Variants in ZMIZ1 observed in about 807,000 individuals in gnomAD.
The protein encoded by ZMIZ1 is zinc finger MIZ-type containing 1.
Under a neutral mutation model 113.9 loss-of-function variants are expected in ZMIZ1, and 17 were observed. That is an observed-to-expected ratio of 0.15 (90% CI 0.10 to 0.22). ZMIZ1 has a LOEUF of 0.22. Among genes scored for constraint, ZMIZ1 ranks in the 10% least tolerant of loss-of-function variants. The pLI is 1.00. For missense variants in ZMIZ1, 1,059 were observed against 1,477.8 expected (o/e 0.72, Z 4.65); for synonymous variants, 607 against 603.1 (o/e 1.01, Z -0.09).
chr10:79,278,020 C>G (rs1852413565), intron 8 of ZMIZ1, among the ~76,000 whole-genome samples: 1 of 152,230 alleles, frequency 6.6e-6, no homozygotes, highest in Admixed American at 6.5e-5. Context: ...CATTTGCAGT[C>G]AGAGCTCGGC....
At chr10:79,243,737 A>G (rs2132847715) in intron 7 of ZMIZ1, 4 of 278,502 alleles carry the variant, frequency 1.4e-5, no homozygotes, top group South Asian at 5.2e-5. Flanking sequence ...TGCAACTTCT[A>G]GGTAAGTGCG....
chr10:79,292,639 A>G, intron 11 of ZMIZ1: 1 of 519,738 alleles, frequency 1.9e-6, no homozygotes, highest in Non-Finnish European at 3.6e-6. Flanking sequence ...CATATGGGGA[A>G]AAGGTTCTAC....
intron 4 of ZMIZ1, among the ~76,000 whole-genome samples, chr10:79,169,078 GCC>G (rs1846494945): frequency 1.3e-5 from 2 of 152,212 alleles, no homozygotes; most frequent in Non-Finnish European, 2.9e-5. Flanking sequence ...CTCTGTTGGA[GCC>G]TAGGGGAACA....
chr10:79,292,485 C>T, intron 11 of ZMIZ1, 129 bp downstream of exon 11: 4 of 1,263,774 alleles, frequency 3.2e-6, no homozygotes, highest in Middle Eastern at 2.6e-4. Context: ...CATTAGGGTG[C>T]ATTTGGGCTT....
chr10:79,082,198 C>T (rs768080804), intron 1 of ZMIZ1, among the ~76,000 whole-genome samples: 8 of 152,234 alleles, frequency 5.3e-5, no homozygotes, highest in Non-Finnish European at 1.2e-4. Context: ...CCACCAGAAA[C>T]ACTCGTCCTG....
intron 7 of ZMIZ1, among the ~76,000 whole-genome samples, chr10:79,256,925 G>A (rs184981819): frequency 5.5e-4 from 84 of 152,332 alleles, no homozygotes; most frequent in Non-Finnish European, 1.0e-3. Context: ...CCTGAGGGGT[G>A]ACATGGCTTG....
intron 4 of ZMIZ1, among the ~76,000 whole-genome samples, chr10:79,164,727 T>G (rs985833062): frequency 6.6e-6 from 1 of 152,056 alleles, no homozygotes; most frequent in Non-Finnish European, 1.5e-5. Flanking sequence ...CCTGCAGAGG[T>G]GGTGAGTTCC....
intron 1 of ZMIZ1, among the ~76,000 whole-genome samples, chr10:79,117,154 C>G (rs1844069277): frequency 6.6e-6 from 1 of 152,260 alleles, no homozygotes; most frequent in South Asian, 2.1e-4. Context: ...AGAGGCAAGG[C>G]CAGAAATGGC....
chr10:79,150,396 G>C (rs576399495), intron 3 of ZMIZ1, among the ~76,000 whole-genome samples: 2 of 152,336 alleles, frequency 1.3e-5, no homozygotes, highest in South Asian at 4.1e-4. Flanking sequence ...GGGCCTCCCC[G>C]TGGTGGCAGC....
chr10:79,170,131 G>A (rs112672033), intron 4 of ZMIZ1, among the ~76,000 whole-genome samples: 1 of 152,128 alleles, frequency 6.6e-6, no homozygotes, highest in African/African-American at 2.4e-5. Context: ...TCTGGAGTTG[G>A]GCCTAGGCCT....
intron 3 of ZMIZ1, among the ~76,000 whole-genome samples, chr10:79,150,911 T>C (rs1845688467): frequency 6.6e-6 from 1 of 151,962 alleles, no homozygotes; most frequent in South Asian, 2.1e-4. Context: ...CCCCATCCTC[T>C]TCCTCCCTCC....
intron 1 of ZMIZ1, among the ~76,000 whole-genome samples, chr10:79,103,151 T>G (rs1843426871): frequency 2.0e-5 from 3 of 150,476 alleles, no homozygotes; most frequent in African/African-American, 4.9e-5. Context: ...CCACTGTAGG[T>G]GGAGGAGGTG....
chr10:79,172,346 G>A (rs1177201207), intron 4 of ZMIZ1, among the ~76,000 whole-genome samples: 2 of 152,186 alleles, frequency 1.3e-5, no homozygotes, highest in Admixed American at 1.3e-4. Context: ...GAGCTTCTAG[G>A]ACAGGAGGAA....
At chr10:79,243,195 ACGCCCGCAGGGTCCGCGAG>A (rs1183825731) in intron 7 of ZMIZ1, among the ~76,000 whole-genome samples, 2 of 149,972 alleles carry the variant, frequency 1.3e-5, no homozygotes, top group Non-Finnish European at 1.5e-5. Context: ...GTGGGTGGTC[ACGCCCGCAGGGTCCGCGAG>A]CGCGGCGCAG....
intron 1 of ZMIZ1, among the ~76,000 whole-genome samples, chr10:79,074,253 C>G (rs7077121): frequency 0.024 from 3,618 of 152,316 alleles, 143 homozygotes; most frequent in African/African-American, 0.083. Flanking sequence ...TGCGCTGCCT[C>G]CTTTCCAGTC....
intron 1 of ZMIZ1, among the ~76,000 whole-genome samples, chr10:79,094,724 G>A (rs539420481): frequency 1.5e-4 from 23 of 152,304 alleles, no homozygotes; most frequent in South Asian, 6.2e-4. Flanking sequence ...CAAGGTGAGC[G>A]GATCGCTTGA....
intron 1 of ZMIZ1, among the ~76,000 whole-genome samples, chr10:79,110,616 C>T (rs1290362432): frequency 6.6e-6 from 1 of 152,224 alleles, no homozygotes; most frequent in South Asian, 2.1e-4. Context: ...ATGCTGTGCC[C>T]TCTGCAGCCA....
chr10:79,111,260 G>A (rs999969248), intron 1 of ZMIZ1, among the ~76,000 whole-genome samples: 2 of 152,216 alleles, frequency 1.3e-5, no homozygotes, highest in Non-Finnish European at 2.9e-5. Context: ...AGACACAGCC[G>A]GGTCTGCAGG....
intron 2 of ZMIZ1, among the ~76,000 whole-genome samples, chr10:79,132,838 T>C (rs1408060076): frequency 6.6e-6 from 1 of 152,090 alleles, no homozygotes; most frequent in Non-Finnish European, 1.5e-5. Flanking sequence ...CAGGGGTAGC[T>C]CAGCAGGCCC....
Sources: gnomAD v4.1 joint callset for allele counts (sites outside exome capture counted in the v4.1 genomes callset) on GRCh38, gnomAD v4.1.1 for gene constraint, MANE v1.5 for transcripts, NCBI Gene and HGNC (gene_info 2026-07-23, HGNC 2026-07-21) for gene names.